DACH2: variants seen among roughly 807,000 people sequenced by gnomAD.
DACH2 encodes the protein dachshund homolog 2.
A neutral mutation model predicts 35.8 loss-of-function variants in DACH2; 17 were observed. That is an observed-to-expected ratio of 0.48 (90% CI 0.33 to 0.71). DACH2 has a LOEUF of 0.71. DACH2 is among the 30% of genes least tolerant of loss of function. The pLI is 0.02. For synonymous variants in DACH2, 195 were observed against 177.3 expected (o/e 1.10, Z -0.79); for missense variants, 469 against 472.7 (o/e 0.99, Z 0.07).
chrX:86,264,820 G>A (rs1370773886), intron 1 of DACH2, among the ~76,000 whole-genome samples: 2 of 111,319 alleles, frequency 1.8e-5, no homozygotes, highest in Non-Finnish European at 3.8e-5. Context: ...ACAGCTCATG[G>A]CACTATGCTA....
In DACH2 at chrX:86,550,900, G is replaced by A. The variant is rs762466401; in HGVS notation, c.640+36509G>A. Among the ~76,000 whole-genome samples, 3 of 111,709 alleles carry A rather than the reference G, an allele frequency of 2.7e-5. No homozygotes were observed. The East Asian group carries it at 8.5e-4, about 32-fold the overall frequency. On this transcript the variant is annotated intron_variant, in intron 3 of 11. Transcript: ENST00000373125. Reference sequence around the variant, plus strand: ...GTTGTCTTACGTGGAGTATATGACTGTTTCAACAAGCTTTTAAAAAGTGAA... The same window carrying A: ...GTTGTCTTACGTGGAGTATATGACTATTTCAACAAGCTTTTAAAAAGTGAA...
chrX:86,789,965 C>T (rs760880480), intron 7 of DACH2, among the ~76,000 whole-genome samples: 1 of 111,210 alleles, frequency 9.0e-6, no homozygotes, highest in African/African-American at 3.3e-5. Flanking sequence ...TTGATTTTCT[C>T]GGTTGTAATT....
intron 11 of DACH2, among the ~76,000 whole-genome samples, chrX:86,827,324 G>C (rs1267499031): frequency 9.0e-6 from 1 of 111,450 alleles, no homozygotes; most frequent in Admixed American, 9.6e-5. Context: ...AGACTGTGGA[G>C]GAAAAAACAA....
intron 6 of DACH2, among the ~76,000 whole-genome samples, chrX:86,731,679 T>TA (rs1022347605): frequency 6.3e-5 from 7 of 111,363 alleles, no homozygotes; most frequent in South Asian, 3.7e-4. Context: ...TAAATATTGG[T>TA]AAAAAAAAGA....
chrX:86,371,236 A>G (rs1243125012), intron 1 of DACH2, among the ~76,000 whole-genome samples: 3 of 110,745 alleles, frequency 2.7e-5, no homozygotes, highest in Non-Finnish European at 5.7e-5. Flanking sequence ...TAGTAAAAAA[A>G]TTCCATAGGC....
intron 1 of DACH2, among the ~76,000 whole-genome samples, chrX:86,281,033 A>G (rs1231878190): frequency 8.9e-6 from 1 of 111,893 alleles, no homozygotes; most frequent in Non-Finnish European, 1.9e-5. Context: ...TCAATATTAG[A>G]CAGATCAATG....
chrX:86,219,678 C>T (rs1445735131), intron 1 of DACH2, among the ~76,000 whole-genome samples: 5 of 110,989 alleles, frequency 4.5e-5, no homozygotes, highest in African/African-American at 1.6e-4. Context: ...TTGATTGTTT[C>T]CTTTGATGTG....
chrX:86,807,218 G>A (rs1448200597), intron 7 of DACH2, among the ~76,000 whole-genome samples: 3 of 111,585 alleles, frequency 2.7e-5, no homozygotes, highest in Non-Finnish European at 5.6e-5. Context: ...AGATGCTTAG[G>A]TTGTCAAATA....
chrX:86,286,108 C>A (rs6623617), intron 1 of DACH2, among the ~76,000 whole-genome samples: 38,537 of 94,810 alleles, frequency 0.41, 7,340 homozygotes, highest in East Asian at 0.51. Context: ...ATCCATTCAG[C>A]CAGTCTGTTT....
At chrX:86,343,468 A>G (rs2035446853) in intron 1 of DACH2, among the ~76,000 whole-genome samples, 1 of 111,678 alleles carries the variant, frequency 9.0e-6, no homozygotes. Context: ...TGTGACTTAG[A>G]GTTTGAGAAA....
chrX:86,537,881 T>G (rs1602622336), intron 3 of DACH2, among the ~76,000 whole-genome samples: 1 of 111,538 alleles, frequency 9.0e-6, no homozygotes, highest in East Asian at 2.9e-4. Context: ...CTGCCTTAAC[T>G]GATGACATTA....
chrX:86,442,904 T>G (rs1393309249), intron 2 of DACH2, among the ~76,000 whole-genome samples: 2 of 111,724 alleles, frequency 1.8e-5, no homozygotes, highest in East Asian at 5.7e-4. Flanking sequence ...GATTTATTTT[T>G]GGGCTATCTT....
intron 1 of DACH2, among the ~76,000 whole-genome samples, chrX:86,261,273 A>G (rs191986700): frequency 8.9e-6 from 1 of 112,289 alleles, no homozygotes; most frequent in Non-Finnish European, 1.9e-5. Flanking sequence ...ACACGTTTGC[A>G]GTGAAGGTAG....
At chrX:86,823,733 G>A (rs1307035937) in intron 11 of DACH2, among the ~76,000 whole-genome samples, 2 of 111,471 alleles carry the variant, frequency 1.8e-5, no homozygotes, top group African/African-American at 6.5e-5. Context: ...TTTACAGCTG[G>A]GCCACCGGGG....
At chrX:86,421,486 T>C (rs1309979359) in intron 2 of DACH2, among the ~76,000 whole-genome samples, 1 of 111,247 alleles carries the variant, frequency 9.0e-6, no homozygotes. Context: ...AAGTGTAGAA[T>C]GGGAATGGCA....
intron 3 of DACH2, among the ~76,000 whole-genome samples, chrX:86,571,338 G>A (rs2039364861): frequency 9.1e-6 from 1 of 109,965 alleles, no homozygotes; most frequent in Non-Finnish European, 1.9e-5. Context: ...GGGTACATGT[G>A]CACAACGTGC....
intron 1 of DACH2, among the ~76,000 whole-genome samples, chrX:86,260,871 T>A (rs1377830081): frequency 9.0e-6 from 1 of 111,487 alleles, no homozygotes. Context: ...TATTAAGGGA[T>A]GGAGTTAATG....
intron 1 of DACH2, among the ~76,000 whole-genome samples, chrX:86,296,776 A>T (rs1289744240): frequency 9.0e-6 from 1 of 111,018 alleles, no homozygotes; most frequent in East Asian, 2.8e-4. Flanking sequence ...TACACATTTT[A>T]CTAGGCTTAT....
chrX:86,660,431 A>G (rs1602750392), intron 4 of DACH2, among the ~76,000 whole-genome samples: 1 of 111,826 alleles, frequency 8.9e-6, no homozygotes, highest in South Asian at 3.7e-4. Flanking sequence ...TTGCAGGTTA[A>G]GTACAAACAG....
Sources: allele counts gnomAD v4.1 joint callset (sites outside exome capture counted in the v4.1 genomes callset), GRCh38; gene constraint gnomAD v4.1.1; transcripts MANE v1.5; gene names NCBI Gene and HGNC (gene_info 2026-07-23, HGNC 2026-07-21).